PRKN: variants seen among roughly 807,000 people sequenced by gnomAD.
The protein encoded by PRKN is E3 ubiquitin-protein ligase parkin.
A neutral mutation model predicts 59.5 loss-of-function variants in PRKN; 56 were observed. The ratio of observed to expected loss-of-function variants is 0.94; its 90% CI spans 0.76 to 1.18. The LOEUF (loss-of-function observed/expected upper bound fraction) is 1.18. Ranked by LOEUF, PRKN falls within the 50% of genes most tolerant of loss-of-function variation. PRKN has a pLI of 0.00. For synonymous variants in PRKN, 250 were observed against 222.1 expected (o/e 1.13, Z -1.12); for missense variants, 657 against 596.4 (o/e 1.10, Z -1.06).
rs866471403 is a variant in PRKN at position 161,570,122 on chromosome 6, G to A, written c.872-706C>T. Among the ~76,000 whole-genome samples the A allele has an allele frequency of 8.9e-3, 266 of 29,728 alleles. 1 individual carries two copies. The highest frequency in any genetic ancestry group is 0.022 in the South Asian group (28 of 1,268). 19.5% of individuals were successfully genotyped at this position (29,728 alleles called of 152,430 possible). A position where few individuals can be genotyped will look rare whatever the true frequency, so the allele number is the denominator to read the frequency against. ...AGTTGTAAAACAAAGTAAGTAAATA[G>A]GTAAAAAAAAAAAAAAAAAAAAAAA... On this transcript the variant is annotated intron_variant, in intron 7 of 11. Transcript: ENST00000366898.
intron 7 of PRKN, chr6:161,715,966 G>T: frequency 2.0e-6 from 1 of 499,412 alleles, no homozygotes. Flanking sequence ...AGACAGACTG[G>T]GTGAGAAGCG....
intron 1 of PRKN, among the ~76,000 whole-genome samples, chr6:162,716,987 C>T (rs1173388837): frequency 1.3e-5 from 2 of 152,162 alleles, no homozygotes; most frequent in Middle Eastern, 3.2e-3. Context: ...CTGAAACCTA[C>T]GACTGTTTCC....
At chr6:162,505,222 A>G (rs1793557995) in intron 1 of PRKN, among the ~76,000 whole-genome samples, 6 of 152,094 alleles carry the variant, frequency 3.9e-5, no homozygotes, top group Non-Finnish European at 8.8e-5. Flanking sequence ...TCATATGTTC[A>G]AGTAAACACG....
At chr6:161,945,290 A>C (rs115355301) in intron 6 of PRKN, among the ~76,000 whole-genome samples, 1 of 152,180 alleles carries the variant, frequency 6.6e-6, no homozygotes, top group Non-Finnish European at 1.5e-5. Context: ...CATCAAAGCC[A>C]GGTAATACGG....
intron 7 of PRKN, among the ~76,000 whole-genome samples, chr6:161,609,940 T>C (rs541354052): frequency 1.3e-5 from 2 of 152,250 alleles, no homozygotes; most frequent in Non-Finnish European, 2.9e-5. Flanking sequence ...GCTATGAGAC[T>C]GTTCCCCATA....
chr6:162,655,399 T>C (rs1000468088), intron 1 of PRKN, among the ~76,000 whole-genome samples: 8 of 152,202 alleles, frequency 5.3e-5, no homozygotes, highest in African/African-American at 1.9e-4. Flanking sequence ...CTAGTATAAC[T>C]GTGTGGTCTT....
At chr6:162,386,310 T>C (rs1786807763) in intron 2 of PRKN, among the ~76,000 whole-genome samples, 1 of 152,184 alleles carries the variant, frequency 6.6e-6, no homozygotes, top group South Asian at 2.1e-4. Flanking sequence ...ACGTGGTATA[T>C]AATAAAAACA....
At chr6:161,601,487 T>G (rs570692365) in intron 7 of PRKN, among the ~76,000 whole-genome samples, 32 of 152,340 alleles carry the variant, frequency 2.1e-4, no homozygotes, top group Admixed American at 9.8e-4. Flanking sequence ...AGAATTAACA[T>G]TAATTCTTCT....
intron 7 of PRKN, among the ~76,000 whole-genome samples, chr6:161,725,765 G>A (rs1357792531): frequency 6.6e-6 from 1 of 152,152 alleles, no homozygotes; most frequent in Non-Finnish European, 1.5e-5. Flanking sequence ...TTCTTTGTTT[G>A]CAGGGTTGAA....
chr6:162,194,424 G>A (rs566014773), intron 4 of PRKN, among the ~76,000 whole-genome samples: 153 of 152,256 alleles, frequency 1.0e-3, no homozygotes, highest in Middle Eastern at 3.4e-3. Context: ...TGTGTTGGTG[G>A]AAAAGAACAT....
chr6:161,813,347 C>T (rs958689904), intron 6 of PRKN, among the ~76,000 whole-genome samples: 8 of 152,272 alleles, frequency 5.3e-5, no homozygotes, highest in African/African-American at 1.9e-4. Flanking sequence ...ATGTCCCCAG[C>T]CTCACCGGGC....
chr6:161,854,160 C>T (rs965496650), intron 6 of PRKN, among the ~76,000 whole-genome samples: 1 of 150,716 alleles, frequency 6.6e-6, no homozygotes, highest in African/African-American at 2.4e-5. Flanking sequence ...GAAGCCAAGG[C>T]AGGAGAATCG....
chr6:162,529,905 A>G (rs1164928305), intron 1 of PRKN, among the ~76,000 whole-genome samples: 1 of 152,120 alleles, frequency 6.6e-6, no homozygotes, highest in African/African-American at 2.4e-5. Context: ...CGAGGCAGGC[A>G]GATCACCCGA....
rs138712938 is a variant in PRKN, at chr6:162,312,369, C to T, written c.172-49604G>A. Among the ~76,000 whole-genome samples, 374 of 152,178 alleles carry T rather than the reference C, an allele frequency of 2.5e-3. 4 individuals are homozygous for T. The highest frequency in any genetic ancestry group is 8.8e-3 in the African/African-American group (365 of 41,548). The stretch of plus-strand genomic sequence containing the variant: ...CTGTAACTGGCTTCTGTTCATTTCT[C>T]CAACCTGTCAAGAGCATTTAGAATC... On this transcript the variant is annotated intron_variant, in intron 2 of 11. Transcript: ENST00000366898.
Position 161,405,607 on chromosome 6 carries a change from AAAATAAATAAATAAATAAAT to A in PRKN, c.1084-18750_1084-18731del, listed in dbSNP as rs10655203. ...AAAAAATAAAATAAAATAAAAATTA[AAAATAAATAAATAAATAAAT>A]AAATAAATAAATAAATAAATAAATT... is the stretch of plus-strand genomic sequence containing the variant. On this transcript the variant is annotated intron_variant, in intron 9 of 11. Transcript: ENST00000366898. The surrounding 1 kb of genome is among the most constrained non-coding windows in gnomAD (Gnocchi z 5.1). Among the ~76,000 whole-genome samples the A allele has an allele frequency of 6.2e-5, 9 of 145,030 alleles. No homozygotes were observed. The highest frequency in any genetic ancestry group is 9.0e-5 in the Non-Finnish European group (6 of 66,442).
intron 1 of PRKN, among the ~76,000 whole-genome samples, chr6:162,447,002 C>T (rs1175599873): frequency 6.6e-6 from 1 of 152,156 alleles, no homozygotes; most frequent in Admixed American, 6.5e-5. Context: ...AGTTACCTGG[C>T]CACCTTGACT....
intron 3 of PRKN, among the ~76,000 whole-genome samples, chr6:162,233,513 A>C (rs1307154220): frequency 6.6e-6 from 1 of 152,206 alleles, no homozygotes; most frequent in African/African-American, 2.4e-5. Context: ...AATACTGTGA[A>C]GCCATTAAAA....
intron 7 of PRKN, among the ~76,000 whole-genome samples, chr6:161,689,185 TACAC>T (rs34193135): frequency 0.034 from 4,860 of 144,178 alleles, 110 homozygotes; most frequent in Middle Eastern, 0.044. Context: ...AATTAAATTG[TACAC>T]ACACACACAC....
intron 6 of PRKN, among the ~76,000 whole-genome samples, chr6:161,937,104 G>A (rs186726089): frequency 2.8e-4 from 42 of 152,114 alleles, no homozygotes; most frequent in African/African-American, 1.0e-3. Context: ...TTTAAAAAGT[G>A]TGTAAAGGGT....
Sources: allele counts gnomAD v4.1 joint callset (sites outside exome capture counted in the v4.1 genomes callset), GRCh38; gene constraint gnomAD v4.1.1; non-coding constraint Gnocchi (gnomAD v3.1); transcripts MANE v1.5; gene names NCBI Gene and HGNC (gene_info 2026-07-23, HGNC 2026-07-21).